RAMP3: variants seen among roughly 807,000 people sequenced by gnomAD.
RAMP3 encodes the protein receptor activity modifying protein 3, also known as receptor activity-modifying protein 3.
In RAMP3, 14 loss-of-function variants were observed where a neutral mutation model predicts 13.5. That is an observed-to-expected ratio of 1.04 (90% CI 0.69 to 1.63). RAMP3 has a LOEUF of 1.63. Among genes scored for constraint, RAMP3 ranks in the 40% most tolerant of loss-of-function variants. The pLI, the probability that RAMP3 is intolerant of heterozygous loss-of-function variation, is 0.00. For missense variants in RAMP3, 200 were observed against 204.8 expected, an observed-to-expected ratio of 0.98 and a Z score of 0.14; for synonymous variants, 106 against 88.3, an observed-to-expected ratio of 1.20 and a Z score of -1.12.
chr7:45,178,739 G>C (rs182841596), intron 2 of RAMP3, among the ~76,000 whole-genome samples: 2 of 152,242 alleles, frequency 1.3e-5, no homozygotes, highest in African/African-American at 2.4e-5. Flanking sequence ...TAGCTTCGTA[G>C]CTTCTGGTCT....
intron 1 of RAMP3, among the ~76,000 whole-genome samples, chr7:45,172,644 T>G (rs1786105201): frequency 1.3e-5 from 2 of 152,158 alleles, no homozygotes; most frequent in South Asian, 4.2e-4. Flanking sequence ...TCTGGCTAAT[T>G]TTTGTATTTT....
chr7:45,167,605 C>T (rs1453667783), intron 1 of RAMP3, among the ~76,000 whole-genome samples: 2 of 150,976 alleles, frequency 1.3e-5, no homozygotes, highest in African/African-American at 2.4e-5. Context: ...TTCTTGTTGC[C>T]CAGGCTGGAG....
At chr7:45,178,659 C>A (rs1342395166) in intron 2 of RAMP3, among the ~76,000 whole-genome samples, 1 of 152,222 alleles carries the variant, frequency 6.6e-6, no homozygotes, top group African/African-American at 2.4e-5. Context: ...TCCTCCTGGT[C>A]CTCAGTGAGC....
intron 1 of RAMP3, among the ~76,000 whole-genome samples, chr7:45,173,373 C>T (rs975064621): frequency 6.6e-6 from 1 of 152,194 alleles, no homozygotes; most frequent in African/African-American, 2.4e-5. Context: ...CAAGCGGTGT[C>T]CATCAGAAGC....
intron 1 of RAMP3, among the ~76,000 whole-genome samples, chr7:45,167,249 G>T (rs908164608): frequency 5.3e-5 from 8 of 152,164 alleles, no homozygotes; most frequent in Admixed American, 1.3e-4. Context: ...GAGCCACGGC[G>T]CCCGGCCTGT....
intron 2 of RAMP3, among the ~76,000 whole-genome samples, chr7:45,178,182 G>A (rs1786231799): frequency 1.3e-5 from 2 of 152,168 alleles, no homozygotes. Flanking sequence ...AGTGGTCAGA[G>A]GACTTAGAGG....
chr7:45,160,679 C>T (rs570743876), intron 1 of RAMP3, among the ~76,000 whole-genome samples: 3 of 152,246 alleles, frequency 2.0e-5, no homozygotes, highest in East Asian at 1.9e-4. Context: ...CCCTTTCTGG[C>T]GGAAATGCAT....
chr7:45,180,612 G>C (rs751847958), intron 2 of RAMP3, among the ~76,000 whole-genome samples: 25 of 152,238 alleles, frequency 1.6e-4, no homozygotes, highest in Admixed American at 7.2e-4. Flanking sequence ...GCAGCAATGG[G>C]CTCCTTCTGT....
At chr7:45,172,834 A>G (rs1786107607) in intron 1 of RAMP3, among the ~76,000 whole-genome samples, 1 of 152,190 alleles carries the variant, frequency 6.6e-6, no homozygotes, top group South Asian at 2.1e-4. Context: ...GGGCCTGTCC[A>G]TGATGATCAG....
At chr7:45,178,767 C>T (rs1294935) in intron 2 of RAMP3, among the ~76,000 whole-genome samples, 64,949 of 152,042 alleles carry the variant, frequency 0.43, 14,802 homozygotes, top group Admixed American at 0.52. Context: ...CTCTGTAACC[C>T]GCTAAAGCCT....
intron 1 of RAMP3, among the ~76,000 whole-genome samples, chr7:45,158,277 G>A (rs1785798502): frequency 6.6e-6 from 1 of 152,338 alleles, no homozygotes; most frequent in Non-Finnish European, 1.5e-5. Context: ...AAGGTAGTGA[G>A]CTCTCTGTCC....
chr7:45,158,511 T>C (rs1584060986), intron 1 of RAMP3, among the ~76,000 whole-genome samples: 1 of 152,172 alleles, frequency 6.6e-6, no homozygotes, highest in African/African-American at 2.4e-5. Context: ...TGGAAATAGA[T>C]TAAACTAAAA....
intron 1 of RAMP3, among the ~76,000 whole-genome samples, chr7:45,160,588 C>G (rs1387149989): frequency 6.6e-6 from 1 of 152,036 alleles, no homozygotes; most frequent in African/African-American, 2.4e-5. Context: ...ATGGCAGCCA[C>G]TTGCCAGTCT....
At chr7:45,163,646 A>T (rs1418979244) in intron 1 of RAMP3, 1 of 985,350 alleles carries the variant, frequency 1.0e-6, no homozygotes, top group African/African-American at 1.7e-5. Context: ...TTGTAGGTGC[A>T]CAATTATTAA....
At chr7:45,177,001 C>G (rs13235132) in intron 1 of RAMP3, among the ~76,000 whole-genome samples, 5 of 152,154 alleles carry the variant, frequency 3.3e-5, no homozygotes, top group Non-Finnish European at 7.4e-5. Context: ...GCCTGAGACC[C>G]TCTCACCACC....
chr7:45,180,845 A>C (rs1786295366), intron 2 of RAMP3, among the ~76,000 whole-genome samples: 2 of 152,132 alleles, frequency 1.3e-5, no homozygotes, highest in South Asian at 4.1e-4. Flanking sequence ...TGCTCTGGGG[A>C]GCCTGACTGA....
At position 45,183,515 on chromosome 7, in the gene RAMP3, A is replaced by T. The variant is rs1396309304; in HGVS notation, c.*103A>T. 3.3e-6 allele frequency: 5 copies of T among 1,505,674 alleles called. No individual in the cohort carries two copies. The highest frequency in any genetic ancestry group is 3.6e-6 in the Non-Finnish European group (4 of 1,109,782). The allele number at this position is 1,505,674 out of a possible 1,614,324, so 93.3% of individuals were successfully genotyped here. On this transcript the variant is annotated 3_prime_UTR_variant, in exon 3 of 3. Transcript: ENST00000242249. ...CTGCCAATCTCCAGCTACTGTGGCC[A>T]CACCCCACCTGGTCATGGGCAGACC...
At chr7:45,177,267 G>C (rs528551039) in intron 1 of RAMP3, 42 bp from the exon 2 acceptor site, 1 of 1,612,540 alleles carries the variant, frequency 6.2e-7, no homozygotes, top group Non-Finnish European at 8.5e-7. Flanking sequence ...GGCATCCCCA[G>C]TGTGAACTGT....
At chr7:45,164,023 TGAA>T (rs1338544474) in intron 1 of RAMP3, among the ~76,000 whole-genome samples, 2 of 152,218 alleles carry the variant, frequency 1.3e-5, no homozygotes, top group African/African-American at 4.8e-5. Context: ...AAATAAACTC[TGAA>T]GACCTGTACA....
Sources: gnomAD v4.1 joint callset for allele counts (sites outside exome capture counted in the v4.1 genomes callset) on GRCh38, gnomAD v4.1.1 for gene constraint, MANE v1.5 for transcripts, NCBI Gene and HGNC (gene_info 2026-07-23, HGNC 2026-07-21) for gene names.